MYO5C: variants seen among roughly 807,000 people sequenced by gnomAD.
MYO5C encodes myosin VC, also known as unconventional myosin-Vc.
In MYO5C, 194 loss-of-function variants were observed where a neutral mutation model predicts 235.7. The observed-to-expected ratio is 0.82, with a 90% CI of 0.73 to 0.93. MYO5C has a LOEUF of 0.93. Among genes scored for constraint, MYO5C ranks in the 40% least tolerant of loss-of-function variants. The pLI is 0.00. For synonymous variants in MYO5C, 707 were observed against 754.8 expected, an observed-to-expected ratio of 0.94 and a Z score of 1.04; for missense variants, 2,038 against 2,127.2, an observed-to-expected ratio of 0.96 and a Z score of 0.82.
chr15:52,261,979 T>C (rs980359202), intron 9 of MYO5C, among the ~76,000 whole-genome samples: 7 of 152,188 alleles, frequency 4.6e-5, no homozygotes, highest in African/African-American at 1.7e-4. Flanking sequence ...CCCTGCGCTC[T>C]ACCCACACCC....
Position 52,218,888 on chromosome 15 carries a change from T to C in MYO5C, c.3786-201A>G, listed in dbSNP as rs780381226. Reference sequence around the variant, plus strand: ...ACTGGCTGGGATAGAAAACTGTCCATGGACTGCTCTGGTCTCCTTCCCCCA... The same window carrying C: ...ACTGGCTGGGATAGAAAACTGTCCACGGACTGCTCTGGTCTCCTTCCCCCA... On this transcript the variant is annotated intron_variant, in intron 31 of 40. Transcript: ENST00000261839. Among the ~76,000 whole-genome samples, 5 of 152,192 alleles carry C rather than the reference T, an allele frequency of 3.3e-5. No individual in the cohort carries two copies. The East Asian group carries it at 7.7e-4, about 23-fold the overall frequency.
At chr15:52,251,669 ATTTATTT>A (rs1302169304) in intron 12 of MYO5C, among the ~76,000 whole-genome samples, 154 bp from the exon 13 acceptor site, 3 of 142,052 alleles carry the variant, frequency 2.1e-5, no homozygotes, top group African/African-American at 8.6e-5. Flanking sequence ...TTATTTATTT[ATTTATTT>A]ATTTTTGAGA....
chr15:52,287,771 G>A (rs547157469), intron 1 of MYO5C, among the ~76,000 whole-genome samples: 1 of 152,258 alleles, frequency 6.6e-6, no homozygotes, highest in Non-Finnish European at 1.5e-5. Context: ...GAGATTGGGA[G>A]ATTGAGAATA....
At chr15:52,233,896 C>G (rs892958267) in intron 23 of MYO5C, among the ~76,000 whole-genome samples, 2 of 152,070 alleles carry the variant, frequency 1.3e-5, no homozygotes, top group Admixed American at 1.3e-4. Flanking sequence ...GGTGCACCGT[C>G]GATAGCAATT....
chr15:52,208,595 A>C lies in MYO5C; in HGVS notation c.4345T>G (p.Cys1449Gly), dbSNP rs2035375459. 1.2e-6 allele frequency: 2 copies of C among 1,614,188 alleles called. No individual in the cohort carries two copies. Among genetic ancestry groups the C allele is most frequent in the African/African-American group, 1.3e-5 (1 of 75,070 alleles). ...EMLSFWLSNT[C>G]HFLNCLKQYS... ...TGCTTCAGGCAATTGAGAAAATGAC[A>C]AGTGTTGGAAAGCCAAAAGGACAGC... Residue 1449 changes from cysteine (C) to glycine (G), a missense_variant, in exon 36 of 41, where the codon TGT (cysteine) becomes GGT (glycine). Transcript: ENST00000261839.
chr15:52,247,046 T>C lies in MYO5C; in HGVS notation c.1882-32A>G, dbSNP rs200851249. 2.7e-4 allele frequency: 430 copies of C among 1,574,212 alleles called. 1 individual carries two copies. The highest frequency in any genetic ancestry group is 3.3e-4 in the Middle Eastern group (2 of 5,982). On this transcript the variant is annotated intron_variant, in intron 15 of 40. Transcript: ENST00000261839. ...AACAAAGCTAGAGATCAAACATGGC[T>C]CTGAAATAATTTACTGCTTACATCA... is the stretch of plus-strand genomic sequence containing the variant.
At chr15:52,222,685 G>A (rs1409716478) in intron 29 of MYO5C, among the ~76,000 whole-genome samples, 1 of 152,206 alleles carries the variant, frequency 6.6e-6, no homozygotes, top group African/African-American at 2.4e-5. Flanking sequence ...GTCTTTGTAA[G>A]TCTGACTAAG....
intron 12 of MYO5C, among the ~76,000 whole-genome samples, chr15:52,252,774 C>CA (rs71425736): frequency 0.12 from 16,941 of 140,688 alleles, 1,297 homozygotes; most frequent in African/African-American, 0.23. Context: ...GACTCCGTCT[C>CA]AAAAAAAAAA....
chr15:52,281,273 G>A (rs771962736), intron 2 of MYO5C, among the ~76,000 whole-genome samples: 3 of 152,294 alleles, frequency 2.0e-5, no homozygotes, highest in Non-Finnish European at 4.4e-5. Flanking sequence ...TTTTCCTACA[G>A]CACACAGGCC....
chr15:52,235,642 G>C, intron 23 of MYO5C, 28 bp downstream of exon 23: 1 of 1,546,720 alleles, frequency 6.5e-7, no homozygotes, highest in Non-Finnish European at 8.9e-7. Context: ...ATCAGTGAAT[G>C]TCTGGATTTG....
At chr15:52,239,092 C>A (rs1197081918) in intron 21 of MYO5C, among the ~76,000 whole-genome samples, 2 of 152,194 alleles carry the variant, frequency 1.3e-5, no homozygotes. Context: ...GCTGGGATTA[C>A]AGGCATGCAT....
Position 52,279,604 on chromosome 15 carries a change from T to C in MYO5C, c.209A>G (p.Asn70Ser). 1 of 1,614,076 alleles carries C rather than the reference T, an allele frequency of 6.2e-7. No homozygotes were observed. The highest frequency in any genetic ancestry group is 8.5e-7 in the Non-Finnish European group (1 of 1,179,930). ...AAGATAGCTGAGAGCCGTGAGGTCA[T>C]TCTCGCCCACGAGGATGTCAGGATT... ...LRNPDILVGE[N>S]DLTALSYLHE... is the part of the protein sequence containing the mutation. Residue 70 changes from asparagine to serine, a missense_variant, in exon 3 of 41, where the codon AAT becomes AGT. By Grantham distance (46) the Asn-to-Ser change is conservative (BLOSUM62 1). Coordinates refer to ENST00000261839, the MANE Select transcript of MYO5C (RefSeq NM_018728.4).
intron 6 of MYO5C, among the ~76,000 whole-genome samples, chr15:52,272,285 A>G (rs1041312134): frequency 6.6e-6 from 1 of 152,170 alleles, no homozygotes; most frequent in African/African-American, 2.4e-5. Flanking sequence ...GCCTATTTCA[A>G]ACAGTTTTCG....
rs1418663421 is a variant in MYO5C, at chr15:52,270,626, A to ATG, written c.833-768_833-767dup. ...CACACATTTATATATGTATATATAA[A>ATG]TGTATGTGTATATATATATATACAC... On this transcript the variant is annotated intron_variant, in intron 7 of 40. Transcript: ENST00000261839. Among the ~76,000 whole-genome samples, 7 of 147,270 alleles carry ATG rather than the reference A, an allele frequency of 4.8e-5. No individual in the cohort carries two copies. The East Asian group carries it at 1.1e-3, about 23-fold the overall frequency.
chr15:52,244,706 G>A, intron 18 of MYO5C, 139 bp from the exon 19 acceptor site: 1 of 631,924 alleles, frequency 1.6e-6, no homozygotes, highest in East Asian at 2.8e-5. Flanking sequence ...CTCACATCAT[G>A]ATCTAGAAAT....
intron 23 of MYO5C, among the ~76,000 whole-genome samples, chr15:52,233,620 A>G (rs2036016202): frequency 6.6e-6 from 1 of 152,268 alleles, no homozygotes; most frequent in Non-Finnish European, 1.5e-5. Context: ...GTCTGTCTCT[A>G]TCTGGGAAAG....
In MYO5C at chr15:52,237,611, A is replaced by G; in HGVS notation, c.2739T>C (p.Thr913=). The change falls in exon 22 of 41, where the codon ACT becomes ACC. Residue 913 remains threonine, a synonymous_variant. Coordinates refer to ENST00000261839, the MANE Select transcript of MYO5C (RefSeq NM_018728.4). ...KENHGLVEKL[T]SLAALRAGDV... is the part of the protein sequence containing the mutation. ...CCCCAGCTCGAAGAGCAGCCAGGCT[A>G]GTCAGCTTCTCCACCAGCCCATGGT... 3 of 1,613,960 alleles carry G rather than the reference A, an allele frequency of 1.9e-6. No homozygotes were observed. Among genetic ancestry groups the G allele is most frequent in the East Asian group, 2.2e-5 (1 of 44,894 alleles).
At position 52,208,685 on chromosome 15, in the gene MYO5C, C is replaced by T. The variant is rs192117111; in HGVS notation, c.4297-42G>A. 70 of 1,545,402 alleles carry T rather than the reference C, an allele frequency of 4.5e-5. 1 individual carries two copies. The East Asian group carries it at 1.5e-3, about 34-fold the overall frequency. ...AAGACAAAATTGGTCTTGATGATTA[C>T]TTGTACCTCTGAGCATTTACCTGTT... On this transcript the variant is annotated intron_variant, in intron 35 of 40. Transcript: ENST00000261839.
chr15:52,255,008 G>A (rs543778828), intron 11 of MYO5C, among the ~76,000 whole-genome samples: 18 of 26,898 alleles, frequency 6.7e-4, no homozygotes, highest in African/African-American at 9.7e-4. Context: ...TTAATTCTGG[G>A]CCAAAAAAAA....
Sources: allele counts gnomAD v4.1 joint callset (sites outside exome capture counted in the v4.1 genomes callset), GRCh38; gene constraint gnomAD v4.1.1; transcripts MANE v1.5; gene names NCBI Gene and HGNC (gene_info 2026-07-23, HGNC 2026-07-21).